LARP4B: variants seen among roughly 807,000 people sequenced by gnomAD.
The protein encoded by LARP4B is La ribonucleoprotein 4B, also known as la-related protein 4B.
LARP4B carries 12 observed loss-of-function variants against 89.8 expected under a neutral mutation model. That is an observed-to-expected ratio of 0.13 (90% CI 0.09 to 0.22). LARP4B has a LOEUF of 0.22. Among genes scored for constraint, LARP4B ranks in the 10% least tolerant of loss-of-function variants. The pLI, the probability that LARP4B is intolerant of heterozygous loss-of-function variation, is 1.00. For synonymous variants in LARP4B, 367 were observed against 363.3 expected (o/e 1.01, Z -0.12); for missense variants, 757 against 947.7 (o/e 0.80, Z 2.64).
chr10:884,466 G>A lies in LARP4B; in HGVS notation c.122C>T (p.Ser41Phe). Residue 41 changes from serine to phenylalanine, a missense_variant, in exon 3 of 18, where the codon TCC (serine) becomes TTC (phenylalanine). Coordinates refer to ENST00000316157, the MANE Select transcript of LARP4B (RefSeq NM_015155.3). Reference protein sequence around the residue: ...PISQTTSQTSSIPPLSQVPAT... With the variant: ...PISQTTSQTSFIPPLSQVPAT... ...AATTACCTGACTCAAAGGTGGGATG[G>A]AACTTGTCTGAGAAGTGGTTTGAGA... 6.2e-7 allele frequency: 1 copy of A among 1,607,202 alleles called. No individual in the cohort carries two copies. The highest frequency in any genetic ancestry group is 8.5e-7 in the Non-Finnish European group (1 of 1,173,972).
chr10:959,816 CTCG>C, the LARP4B span, among the ~76,000 whole-genome samples: 1 of 136,074 alleles, frequency 7.3e-6, no homozygotes, highest in East Asian at 2.3e-4. Context: ...TTCCCACCTC[CTCG>C]TCATTCCCAC....
intron 1 of LARP4B, among the ~76,000 whole-genome samples, chr10:906,960 C>T (rs1416292153): frequency 6.6e-6 from 1 of 152,218 alleles, no homozygotes. Context: ...GACTGCCCTC[C>T]CTAAAGCGAG....
At chr10:953,600 C>A in the LARP4B span, among the ~76,000 whole-genome samples, 1 of 150,526 alleles carries the variant, frequency 6.6e-6, no homozygotes, top group Non-Finnish European at 1.5e-5. Flanking sequence ...GCATAACAGG[C>A]AACCTTTAAA....
At chr10:887,751 C>T (rs1224216924) in intron 1 of LARP4B, among the ~76,000 whole-genome samples, 1 of 149,326 alleles carries the variant, frequency 6.7e-6, no homozygotes, top group Non-Finnish European at 1.5e-5. Flanking sequence ...TGGCAGGGTG[C>T]AGTGGCTCAC....
the LARP4B span, chr10:987,704 T>C: frequency 6.6e-6 from 1 of 152,208 alleles, no homozygotes; most frequent in South Asian, 2.1e-4. Context: ...TTCACAAACA[T>C]AAAAGCAGTA....
the LARP4B span, among the ~76,000 whole-genome samples, chr10:949,698 T>TG: frequency 6.6e-6 from 1 of 152,244 alleles, no homozygotes; most frequent in African/African-American, 2.4e-5. Context: ...GGGCCCACTA[T>TG]GTTCGGTGTC....
intron 5 of LARP4B, among the ~76,000 whole-genome samples, chr10:851,971 C>A (rs76850376): frequency 6.6e-6 from 1 of 152,048 alleles, no homozygotes; most frequent in Non-Finnish European, 1.5e-5. Context: ...GAGGCTAAGG[C>A]GGGAGAATCG....
At chr10:825,987 C>T (rs977820612) in intron 11 of LARP4B, 117 bp from the exon 12 acceptor site, 1 of 672,288 alleles carries the variant, frequency 1.5e-6, no homozygotes, top group Non-Finnish European at 2.6e-6. Flanking sequence ...AGTCATGACC[C>T]ATGCTGAGAC....
At chr10:923,393 CG>C (rs1277797863) in intron 1 of LARP4B, among the ~76,000 whole-genome samples, 2 of 151,872 alleles carry the variant, frequency 1.3e-5, no homozygotes, top group Non-Finnish European at 2.9e-5. Context: ...CCTTTGCAAA[CG>C]TGATTTACTG....
At chr10:867,942 T>G (rs1391421969) in intron 3 of LARP4B, among the ~76,000 whole-genome samples, 6 of 149,720 alleles carry the variant, frequency 4.0e-5, no homozygotes, top group Non-Finnish European at 8.9e-5. Context: ...AATGTATGGC[T>G]AAGCAATGGT....
chr10:931,121 C>T (rs1263647488), intron 1 of LARP4B, among the ~76,000 whole-genome samples: 1 of 150,638 alleles, frequency 6.6e-6, no homozygotes, highest in African/African-American at 2.4e-5. Context: ...CCCGGCCTTC[C>T]CCTGCCCCGG....
intron 4 of LARP4B, 24 bp downstream of exon 4, chr10:864,099 A>G (rs1489148902): frequency 6.2e-7 from 1 of 1,613,810 alleles, no homozygotes; most frequent in East Asian, 2.2e-5. Flanking sequence ...AGGGGGCTGC[A>G]CACCACGGCC....
At chr10:874,650 T>C (rs1835386965) in intron 3 of LARP4B, among the ~76,000 whole-genome samples, 1 of 152,224 alleles carries the variant, frequency 6.6e-6, no homozygotes, top group South Asian at 2.1e-4. Context: ...AAAAACAAAA[T>C]AATTCTTTTA....
chr10:858,298 G>C (rs1476648932), intron 5 of LARP4B, among the ~76,000 whole-genome samples: 1 of 152,104 alleles, frequency 6.6e-6, no homozygotes, highest in Non-Finnish European at 1.5e-5. Context: ...GTTCTATAGA[G>C]AAAGGGCAGT....
the LARP4B span, among the ~76,000 whole-genome samples, chr10:956,956 G>T: frequency 1.3e-5 from 2 of 152,156 alleles, no homozygotes; most frequent in Non-Finnish European, 2.9e-5. This position sits in a 1 kb window ranked among gnomAD's most constrained non-coding sequence, Gnocchi z 4.3. Flanking sequence ...CCAAGGCCTC[G>T]TCTGGAGCCT....
chr10:955,315 G>A, the LARP4B span, among the ~76,000 whole-genome samples: 15 of 152,328 alleles, frequency 9.8e-5, no homozygotes, highest in East Asian at 1.2e-3. The surrounding 1 kb of genome is among the most constrained non-coding windows in gnomAD (Gnocchi z 5.2). Flanking sequence ...ACTGCAGCCC[G>A]TGGGGGGCCC....
At chr10:908,806 C>G (rs767343470) in intron 1 of LARP4B, among the ~76,000 whole-genome samples, 2 of 152,194 alleles carry the variant, frequency 1.3e-5, no homozygotes, top group Non-Finnish European at 2.9e-5. Context: ...CAGGACTCCT[C>G]CAAGTTCATC....
intron 5 of LARP4B, among the ~76,000 whole-genome samples, chr10:858,781 C>A (rs926107573): frequency 3.9e-5 from 6 of 152,154 alleles, no homozygotes; most frequent in Admixed American, 6.5e-5. Context: ...AAAAAGGGTG[C>A]TTGGCATCAC....
chr10:925,025 A>G (rs953542076), intron 1 of LARP4B, among the ~76,000 whole-genome samples: 3 of 152,266 alleles, frequency 2.0e-5, no homozygotes, highest in Non-Finnish European at 4.4e-5. Context: ...AGTAAATTAT[A>G]TGGTATGTTA....
Sources: gnomAD v4.1 joint callset for allele counts (sites outside exome capture counted in the v4.1 genomes callset) on GRCh38, gnomAD v4.1.1 for gene constraint, Gnocchi (gnomAD v3.1) non-coding constraint, MANE v1.5 for transcripts, NCBI Gene and HGNC (gene_info 2026-07-23, HGNC 2026-07-21) for gene names.